ARID5A: variants seen among roughly 807,000 people sequenced by gnomAD.
ARID5A encodes the protein AT-rich interaction domain 5A.
Under a neutral mutation model 30.5 loss-of-function variants are expected in ARID5A, and 14 were observed. The ratio of observed to expected loss-of-function variants is 0.46; its 90% CI spans 0.30 to 0.72. The LOEUF (loss-of-function observed/expected upper bound fraction) is 0.72. Ranked by LOEUF, ARID5A falls within the 30% of genes least tolerant of loss-of-function variation. ARID5A has a pLI of 0.07. For missense variants in ARID5A, 669 were observed against 786.2 expected, an observed-to-expected ratio of 0.85 and a Z score of 1.78; for synonymous variants, 338 against 340.4, an observed-to-expected ratio of 0.99 and a Z score of 0.08.
chr2:96,551,169 A>G lies in ARID5A; in HGVS notation c.641A>G (p.Asn214Ser). The G allele has an allele frequency of 6.2e-7, 1 of 1,613,934 alleles. No individual in the cohort carries two copies. Among genetic ancestry groups the G allele is most frequent in the Middle Eastern group, 1.6e-4 (1 of 6,062 alleles). ...CTTCCCAGCCAGGAGCCCCCCAGGA[A>G]CAGCACAGAACAGCAGGGCCTGGCC... is the stretch of plus-strand genomic sequence containing the variant. The part of the protein sequence containing the change: ...APLPSQEPPR[N>S]STEQQGLASG... The change falls in exon 7 of 7, where the codon AAC becomes AGC. Residue 214 changes from asparagine (N) to serine (S), a missense_variant. Asn to Ser is a conservative substitution (Grantham distance 46). This residue lies in a region of ARID5A where 548 missense variants were observed against 577.4 expected (regional missense o/e 0.95). Transcript: ENST00000357485.
chr2:96,546,495 G>A (rs951945420), intron 1 of ARID5A, among the ~76,000 whole-genome samples: 1 of 152,256 alleles, frequency 6.6e-6, no homozygotes, highest in Admixed American at 6.5e-5. Context: ...CACCACGCAG[G>A]GTTGTTGTGA....
chr2:96,547,863 G>A lies in ARID5A; in HGVS notation c.120+346G>A, dbSNP rs183161556. On this transcript the variant is annotated intron_variant, in intron 2 of 6. Coordinates refer to ENST00000357485, the MANE Select transcript of ARID5A (RefSeq NM_212481.3). ...TCGGTGAGACCAGCAAGACTGTTTCGATGAGCACAGAATCTGAAGGGGGAG... is the reference window on the plus strand; with the variant it reads ...TCGGTGAGACCAGCAAGACTGTTTCAATGAGCACAGAATCTGAAGGGGGAG... 5.0e-4 allele frequency among the ~76,000 whole-genome samples: 76 copies of A among 152,322 alleles called. 1 individual carries two copies. The highest frequency in any genetic ancestry group is 1.5e-3 in the South Asian group (7 of 4,824).
At position 96,550,919 on chromosome 2, in the gene ARID5A, C is replaced by A. The variant is rs536981227; in HGVS notation, c.571-180C>A. ...TGGACTCTGAACTCCAGCCTGCGCC[C>A]ACCCACCAGGCACCTGAGGCTGTGT... On this transcript the variant is annotated intron_variant, in intron 6 of 6. Transcript: ENST00000357485. The surrounding 1 kb of genome is among the most constrained non-coding windows in gnomAD (Gnocchi z 6.6). 1.3e-4 allele frequency among the ~76,000 whole-genome samples: 20 copies of A among 152,306 alleles called. No individual in the cohort carries two copies. The highest frequency in any genetic ancestry group is 1.2e-3 in the Admixed American group (18 of 15,306).
rs185920081 is a variant in ARID5A, at chr2:96,541,187, G to A, written c.4+4357G>A. Among the ~76,000 whole-genome samples, 855 of 151,536 alleles carry A rather than the reference G, an allele frequency of 5.6e-3. 11 individuals are homozygous for A. Among genetic ancestry groups the A allele is most frequent in the African/African-American group, 0.019 (803 of 41,216 alleles). On this transcript the variant is annotated intron_variant, in intron 1 of 6. Transcript: ENST00000357485. ...TGAGTAGCTGGGACTACAGGCATGC[G>A]CCACCACCCCCAGCTAATTTTTGTA...
Position 96,550,689 on chromosome 2 carries a change from A to C in ARID5A, c.526A>C (p.Thr176Pro). Reference protein sequence around the residue: ...AKENRGDDGATERPKKAKEER... With the variant: ...AKENRGDDGAPERPKKAKEER... The stretch of plus-strand genomic sequence containing the variant: ...GGAGAACAGGGGGGATGATGGGGCC[A>C]CCGAGAGGCCGAAGAAGGCCAAGGA... The change falls in exon 6 of 7, where the codon ACC becomes CCC. Residue 176 changes from threonine to proline, a missense_variant. Physicochemically the swap from Thr to Pro is conservative, Grantham distance 38 (BLOSUM62 -1). Around this residue, in one of 4 missense-constraint regions of ARID5A, gnomAD observed 548 missense variants for 577.4 expected, o/e 0.95. Coordinates refer to ENST00000357485, the MANE Select transcript of ARID5A (RefSeq NM_212481.3). This position sits in a 1 kb window ranked among gnomAD's most constrained non-coding sequence, Gnocchi z 6.6. The C allele has an allele frequency of 6.3e-7, 1 of 1,598,582 alleles. No individual in the cohort carries two copies. The highest frequency in any genetic ancestry group is 1.1e-5 in the South Asian group (1 of 87,988).
At position 96,550,038 on chromosome 2, in the gene ARID5A, C is replaced by G. The variant is rs1406668495; in HGVS notation, c.313-150C>G. On this transcript the variant is annotated intron_variant, in intron 4 of 6. Coordinates refer to ENST00000357485, the MANE Select transcript of ARID5A (RefSeq NM_212481.3). This position sits in a 1 kb window ranked among gnomAD's most constrained non-coding sequence, Gnocchi z 6.6. ...CTGCTTGGGCCAGCAGTCCATGGCC[C>G]TAGGAGAGAGAATCGGCTGGCCGCT... 6.5e-7 allele frequency: 1 copy of G among 1,533,572 alleles called. No homozygotes were observed. 95.0% of individuals were successfully genotyped at this position (1,533,572 alleles called of 1,614,324 possible). A position where few individuals can be genotyped will look rare whatever the true frequency, so the allele number is the denominator to read the frequency against.
intron 1 of ARID5A, among the ~76,000 whole-genome samples, chr2:96,547,077 C>T (rs752131860): frequency 4.0e-5 from 6 of 151,378 alleles, no homozygotes; most frequent in Middle Eastern, 3.2e-3. Flanking sequence ...TGTCGGGGAG[C>T]GGGGAGGAGG....
rs62154839 is a variant in ARID5A at position 96,541,283 on chromosome 2, G to A, written c.4+4453G>A. The stretch of plus-strand genomic sequence containing the variant: ...GATCTCTTGACCTCATGATCTGCCC[G>A]CCTCGGCCTCCCAAAGTGTTTTTGT... On this transcript the variant is annotated intron_variant, in intron 1 of 6. Transcript: ENST00000357485. Among the ~76,000 whole-genome samples, 455 of 152,288 alleles carry A rather than the reference G, an allele frequency of 3.0e-3. 1 individual carries two copies. The highest frequency in any genetic ancestry group is 5.1e-3 in the Non-Finnish European group (350 of 68,022).
Position 96,549,577 on chromosome 2 carries a change from C to A in ARID5A, c.259+118C>A. 2 of 1,492,464 alleles carry A rather than the reference C, an allele frequency of 1.3e-6. No individual in the cohort carries two copies. The highest frequency in any genetic ancestry group is 1.8e-6 in the Non-Finnish European group (2 of 1,087,098). 92.5% of individuals were successfully genotyped at this position (1,492,464 alleles called of 1,614,324 possible). On this transcript the variant is annotated intron_variant, in intron 3 of 6. Transcript: ENST00000357485. The surrounding 1 kb of genome is among the most constrained non-coding windows in gnomAD (Gnocchi z 6.1). ...AGGTTGCAGATAGAAAGGAGGCCTC[C>A]CTCCAGGCTGCCACTGGGCCAGGGG...
At chr2:96,544,674 T>C (rs1189104224) in intron 1 of ARID5A, among the ~76,000 whole-genome samples, 2 of 152,228 alleles carry the variant, frequency 1.3e-5, no homozygotes. Flanking sequence ...CTGATGAAAA[T>C]GTACCAGGAG....
chr2:96,541,787 G>A (rs1001583084), intron 1 of ARID5A, among the ~76,000 whole-genome samples: 47 of 152,206 alleles, frequency 3.1e-4, no homozygotes, highest in Non-Finnish European at 1.3e-4. Flanking sequence ...CCCCACTTCT[G>A]TTACAAATAA....
In ARID5A at chr2:96,550,500, T is replaced by C. The variant is rs1331531058; in HGVS notation, c.411-74T>C. 2 of 1,498,366 alleles carry C rather than the reference T, an allele frequency of 1.3e-6. No homozygotes were observed. The highest frequency in any genetic ancestry group is 5.0e-5 in the East Asian group (2 of 40,228). The allele number at this position is 1,498,366 out of a possible 1,614,324, so 92.8% of individuals were successfully genotyped here. A position where few individuals can be genotyped will look rare whatever the true frequency, so the allele number is the denominator to read the frequency against. On this transcript the variant is annotated intron_variant, in intron 5 of 6. Coordinates refer to ENST00000357485, the MANE Select transcript of ARID5A (RefSeq NM_212481.3). The surrounding 1 kb of genome is among the most constrained non-coding windows in gnomAD (Gnocchi z 6.6). Reference sequence around the variant, plus strand: ...CCTCGGCGCCGGCGGGGAAGGGGGCTCAGAGGAGGCTACAGAGGCCCAGGG... The same window carrying C: ...CCTCGGCGCCGGCGGGGAAGGGGGCCCAGAGGAGGCTACAGAGGCCCAGGG...
chr2:96,549,234 T>C lies in ARID5A; in HGVS notation c.121-87T>C. On this transcript the variant is annotated intron_variant, in intron 2 of 6. Coordinates refer to ENST00000357485, the MANE Select transcript of ARID5A (RefSeq NM_212481.3). This position sits in a 1 kb window ranked among gnomAD's most constrained non-coding sequence, Gnocchi z 6.1. ...AACTGGGGTTGGGGTAGGTACCTTATTCCTCCTGCAGCCAGTGGTTTCTGC... is the reference window on the plus strand; with the variant it reads ...AACTGGGGTTGGGGTAGGTACCTTACTCCTCCTGCAGCCAGTGGTTTCTGC... The C allele has an allele frequency of 6.4e-7, 1 of 1,554,906 alleles. No individual in the cohort carries two copies. The highest frequency in any genetic ancestry group is 8.7e-7 in the Non-Finnish European group (1 of 1,151,332).
At chr2:96,547,693 T>A (rs2065953505) in intron 2 of ARID5A, among the ~76,000 whole-genome samples, 176 bp downstream of exon 2, 1 of 152,178 alleles carries the variant, frequency 6.6e-6, no homozygotes, top group Non-Finnish European at 1.5e-5. Flanking sequence ...AGAGTTTCAA[T>A]CTTGGTTTTT....
intron 1 of ARID5A, among the ~76,000 whole-genome samples, chr2:96,541,226 C>T (rs1168902822): frequency 2.7e-5 from 4 of 149,864 alleles, no homozygotes; most frequent in Non-Finnish European, 3.0e-5. Context: ...TTAGTAGAGA[C>T]GAGGTTTCAC....
At chr2:96,538,999 A>G (rs140898802) in intron 1 of ARID5A, among the ~76,000 whole-genome samples, 136 of 152,240 alleles carry the variant, frequency 8.9e-4, no homozygotes, top group African/African-American at 3.1e-3. Context: ...GGGGTCTGTA[A>G]GTCCATTGCG....
rs1421962017 is a variant in ARID5A, at chr2:96,552,053, C to T, written c.1525C>T (p.Leu509=). The T allele has an allele frequency of 1.3e-6, 2 of 1,572,042 alleles. No individual in the cohort carries two copies. The highest frequency in any genetic ancestry group is 3.6e-5 in the Admixed American group (2 of 55,536). Residue 509 remains leucine (L), a synonymous_variant, in exon 7 of 7, where the codon CTG becomes TTG. Transcript: ENST00000357485. ...CAGGGGCACCATGCTGCACTGCCCG[C>T]TGAACTTCACTGGCACCCCGGGCCC... The part of the protein sequence containing the change: ...AYRGTMLHCP[L]NFTGTPGPLK...
In ARID5A at chr2:96,550,958, A is replaced by G. The variant is rs1470125719; in HGVS notation, c.571-141A>G. ...CTGAGGCTGTGTCCACTCAGAGGAC[A>G]GGGCACCTTTGGAAAATTCTGTACA... On this transcript the variant is annotated intron_variant, in intron 6 of 6. Transcript: ENST00000357485. This position sits in a 1 kb window ranked among gnomAD's most constrained non-coding sequence, Gnocchi z 6.6. 59 of 1,225,136 alleles carry G rather than the reference A, an allele frequency of 4.8e-5. No homozygotes were observed. The highest frequency in any genetic ancestry group is 6.6e-5 in the Non-Finnish European group (58 of 880,542). 75.9% of individuals were successfully genotyped at this position (1,225,136 alleles called of 1,614,324 possible).
rs973799370 is a variant in ARID5A at position 96,550,853 on chromosome 2, G to A, written c.570+120G>A. 1 of 1,385,080 alleles carries A rather than the reference G, an allele frequency of 7.2e-7. No homozygotes were observed. 85.8% of individuals were successfully genotyped at this position (1,385,080 alleles called of 1,614,324 possible). ...TACACAGAACCTGCACCCAGGGCGG[G>A]ACTTGCAAGGTTCCAGGTTCTCCAC... On this transcript the variant is annotated intron_variant, in intron 6 of 6. Transcript: ENST00000357485. The surrounding 1 kb of genome is among the most constrained non-coding windows in gnomAD (Gnocchi z 6.6).
Sources: gnomAD v4.1 joint callset for allele counts (sites outside exome capture counted in the v4.1 genomes callset) on GRCh38, gnomAD v4.1.1 for gene constraint, gnomAD v4.1.1 regional missense constraint, Gnocchi (gnomAD v3.1) non-coding constraint, MANE v1.5 for transcripts, NCBI Gene and HGNC (gene_info 2026-07-23, HGNC 2026-07-21) for gene names.